The following SLC19A1 variants were observed in gnomAD, a reference collection of about 807,000 sequenced individuals.
SLC19A1 encodes the protein solute carrier family 19 member 1.
Under a neutral mutation model 35.3 loss-of-function variants are expected in SLC19A1, and 37 were observed. That is an observed-to-expected ratio of 1.05 (90% CI 0.81 to 1.38). The LOEUF is 1.38. SLC19A1 is among the 40% of genes most tolerant of loss of function. SLC19A1 has a pLI of 0.00. For missense variants in SLC19A1, 831 were observed against 826.9 expected, an observed-to-expected ratio of 1.00 and a Z score of -0.06; for synonymous variants, 460 against 398.5, an observed-to-expected ratio of 1.15 and a Z score of -1.84.
upstream of SLC19A1, among the ~76,000 whole-genome samples, chr21:45,543,107 C>G (rs2078362386): frequency 6.6e-6 from 1 of 152,176 alleles, no homozygotes; most frequent in Non-Finnish European, 1.5e-5. Context: ...GGCCACCAGT[C>G]CCCATCCCAG....
At chr21:45,525,539 G>A (rs538054378) in intron 5 of SLC19A1, among the ~76,000 whole-genome samples, 24 of 152,226 alleles carry the variant, frequency 1.6e-4, no homozygotes, top group Non-Finnish European at 2.2e-4. Context: ...GGCAGAGAGC[G>A]GAGACAAGGA....
chr21:45,537,667 A>G, intron 2 of SLC19A1, 104 bp downstream of exon 2: 1 of 882,782 alleles, frequency 1.1e-6, no homozygotes, highest in African/African-American at 2.5e-5. Flanking sequence ...CTGCCCACCC[A>G]CTGGCGGCCG....
At chr21:45,523,536 T>C (rs372808979) in intron 5 of SLC19A1, among the ~76,000 whole-genome samples, 3 of 152,266 alleles carry the variant, frequency 2.0e-5, no homozygotes, top group African/African-American at 4.8e-5. Flanking sequence ...CAAGCCCCCA[T>C]GGGCCCTTAG....
At position 45,513,966 on chromosome 21, in the gene SLC19A1, T is replaced by C. The variant is rs1356401153; in HGVS notation, c.*1692A>G. On this transcript the variant is annotated 3_prime_UTR_variant, in exon 6 of 6. Transcript: ENST00000311124. The stretch of plus-strand genomic sequence containing the variant: ...CGGGTGTGTGGACACACACCAACAC[T>C]CTTAGGTCTCTCCTCACAGCAGGAC... 1 of 152,240 alleles carries C rather than the reference T, an allele frequency of 6.6e-6. No individual in the cohort carries two copies. The highest frequency in any genetic ancestry group is 1.5e-5 in the Non-Finnish European group (1 of 68,116). The allele number at this position is 152,240 out of a possible 1,614,324, so 9.4% of individuals were successfully genotyped here. A position where few individuals can be genotyped will look rare whatever the true frequency, so the allele number is the denominator to read the frequency against.
At chr21:45,537,719 T>TGGGGGGGCCCCCCCCCCC in intron 2 of SLC19A1, 52 bp downstream of exon 2, 3 of 319,776 alleles carry the variant, frequency 9.4e-6, no homozygotes, top group Non-Finnish European at 1.7e-5. Flanking sequence ...CAGACGCTGC[T>TGGGGGGGCCCCCCCCCCC]CCCCGCCCAC....
At chr21:45,503,932 C>A in intron 3 of SLC19A1, 1 of 1,524,852 alleles carries the variant, frequency 6.6e-7, no homozygotes, top group Non-Finnish European at 9.1e-7. Context: ...GGCAAACCCA[C>A]CAGTGCTGGG....
At chr21:45,508,361 AGTGGATGG>A (rs1183889049), downstream of SLC19A1, among the ~76,000 whole-genome samples, 19 of 142,744 alleles carry the variant, frequency 1.3e-4, no homozygotes, top group African/African-American at 4.3e-4. Context: ...CAAGTGGGTG[AGTGGATGG>A]GTGGATGGAT....
At chr21:45,522,780 C>T (rs1286627434) in intron 5 of SLC19A1, among the ~76,000 whole-genome samples, 1 of 152,124 alleles carries the variant, frequency 6.6e-6, no homozygotes, top group Admixed American at 6.5e-5. Flanking sequence ...CCTGAAATGA[C>T]AAACTCATAC....
In SLC19A1 at chr21:45,516,060, G is replaced by A. The variant is rs1391549907; in HGVS notation, c.1374C>T (p.Cys458=). Residue 458 remains cysteine (C), a synonymous_variant, in exon 6 of 6, where the codon TGC becomes TGT. Transcript: ENST00000311124. Reference sequence around the variant, plus strand: ...GCTGCCGCGGGTGGTGGCCCCGCTGGCAGTGCCGCAGGCCATCCAGCATGG... The same window carrying A: ...GCTGCCGCGGGTGGTGGCCCCGCTGACAGTGCCGCAGGCCATCCAGCATGG... ...LGAMLDGLRH[C]QRGHHPRQPP... 26 of 1,589,798 alleles carry A rather than the reference G, an allele frequency of 1.6e-5. No homozygotes were observed. The highest frequency in any genetic ancestry group is 2.7e-5 in the African/African-American group (2 of 74,808).
rs1303157523 is a variant in SLC19A1 at position 45,533,698 on chromosome 21, C to T, written c.190-1550G>A. On this transcript the variant is annotated intron_variant, in intron 2 of 5. Transcript: ENST00000311124. The surrounding 1 kb of genome is among the most constrained non-coding windows in gnomAD (Gnocchi z 4.5). ...GCCTGACCACCAGTAACCCCACAGC[C>T]CCACTCGTGCTGCCCCAGGTGACCT... 1.3e-5 allele frequency among the ~76,000 whole-genome samples: 2 copies of T among 152,104 alleles called. No homozygotes were observed. Among genetic ancestry groups the T allele is most frequent in the East Asian group, 1.9e-4 (1 of 5,164 alleles).
At position 45,530,652 on chromosome 21, in the gene SLC19A1, C is replaced by T. The variant is rs914937017; in HGVS notation, c.1151+118G>A. The T allele has an allele frequency of 2.8e-6, 3 of 1,084,700 alleles. No homozygotes were observed. The highest frequency in any genetic ancestry group is 2.5e-5 in the Admixed American group (1 of 39,660). 67.2% of individuals were successfully genotyped at this position (1,084,700 alleles called of 1,614,324 possible). On this transcript the variant is annotated intron_variant, in intron 4 of 5. Coordinates refer to ENST00000311124, the MANE Select transcript of SLC19A1 (RefSeq NM_194255.4). This position sits in a 1 kb window ranked among gnomAD's most constrained non-coding sequence, Gnocchi z 5.3. ...ACCCTGGTCAGCTCCAGGTGGCTGG[C>T]GGGGCCAGCAGTGGCACAGCCGCTG...
chr21:45,528,115 G>A (rs1676164069), intron 4 of SLC19A1, among the ~76,000 whole-genome samples: 1 of 151,912 alleles, frequency 6.6e-6, no homozygotes, highest in African/African-American at 2.4e-5. Context: ...CAGGCAGGCC[G>A]GCAGCAGGGA....
chr21:45,554,819 G>A (rs549084375), intron 1 of SLC19A1, among the ~76,000 whole-genome samples: 1 of 151,804 alleles, frequency 6.6e-6, no homozygotes, highest in East Asian at 2.0e-4. Context: ...TTACGGTTTC[G>A]GTTTTTCCCA....
intron 4 of SLC19A1, among the ~76,000 whole-genome samples, chr21:45,527,845 C>T (rs993504845): frequency 2.0e-5 from 3 of 151,382 alleles, no homozygotes; most frequent in Non-Finnish European, 4.4e-5. Context: ...GAAGGCACCA[C>T]ATTCCTGACA....
chr21:45,504,320 G>A (rs991325613), intron 3 of SLC19A1: 14 of 1,297,008 alleles, frequency 1.1e-5, no homozygotes, highest in Non-Finnish European at 1.3e-5. Context: ...GGCTCCGGAA[G>A]CTTCTGACTG....
At chr21:45,511,204 G>A (rs886057136), downstream of SLC19A1, 4 of 1,589,204 alleles carry the variant, frequency 2.5e-6, no homozygotes, top group Non-Finnish European at 2.6e-6. Flanking sequence ...TGACGGCAAG[G>A]ACGTCCTGAG....
rs1045161516 is a variant in SLC19A1, at chr21:45,534,988, C to T, written c.189+2783G>A. On this transcript the variant is annotated intron_variant, in intron 2 of 5. Transcript: ENST00000311124. This position sits in a 1 kb window ranked among gnomAD's most constrained non-coding sequence, Gnocchi z 4.2. The stretch of plus-strand genomic sequence containing the variant: ...AATCTACGTCCAGACGGCCTCAGGG[C>T]GGCTTCTCTGAACAGGGAGGCGGGA... 6.6e-6 allele frequency among the ~76,000 whole-genome samples: 1 copy of T among 152,266 alleles called. No homozygotes were observed. The highest frequency in any genetic ancestry group is 6.5e-5 in the Admixed American group (1 of 15,290).
chr21:45,508,653 T>C (rs1396546113), downstream of SLC19A1, among the ~76,000 whole-genome samples: 2 of 152,120 alleles, frequency 1.3e-5, no homozygotes, highest in South Asian at 2.1e-4. Context: ...TGTGGAGCAG[T>C]GTCAGGGGCT....
downstream of SLC19A1, among the ~76,000 whole-genome samples, chr21:45,508,434 GGTGGGTAA>G (rs967064114): frequency 1.2e-4 from 17 of 146,390 alleles, no homozygotes; most frequent in South Asian, 9.0e-4. Context: ...GTGGATGGAT[GGTGGGTAA>G]GTGGGTGAGT....
Sources: allele counts gnomAD v4.1 joint callset (sites outside exome capture counted in the v4.1 genomes callset), GRCh38; gene constraint gnomAD v4.1.1; non-coding constraint Gnocchi (gnomAD v3.1); transcripts MANE v1.5; gene names NCBI Gene and HGNC (gene_info 2026-07-23, HGNC 2026-07-21).